Variants in PTPRG observed in about 807,000 individuals in gnomAD.
PTPRG encodes the protein receptor-type tyrosine-protein phosphatase gamma.
In PTPRG, 102 loss-of-function variants were observed where a neutral mutation model predicts 165.3. The observed-to-expected ratio is 0.62, with a 90% CI of 0.53 to 0.73. The LOEUF is 0.73. PTPRG is among the 30% of genes least tolerant of loss of function. PTPRG has a pLI of 0.00. For missense variants in PTPRG, 1,866 were observed against 1,861.4 expected (o/e 1.00, Z -0.05); for synonymous variants, 675 against 669.5 (o/e 1.01, Z -0.13).
chr3:61,878,322 G>C (rs2037798631), intron 2 of PTPRG, among the ~76,000 whole-genome samples: 1 of 152,136 alleles, frequency 6.6e-6, no homozygotes, highest in Non-Finnish European at 1.5e-5. Flanking sequence ...ATATGAGCTG[G>C]TAGGATTTAA....
At chr3:62,033,283 A>G (rs1699828141) in intron 4 of PTPRG, among the ~76,000 whole-genome samples, 1 of 151,746 alleles carries the variant, frequency 6.6e-6, no homozygotes, top group Admixed American at 6.6e-5. Context: ...TTCAAATGTC[A>G]CTTTCAGAGG....
At chr3:62,126,670 A>G (rs746766618) in intron 5 of PTPRG, among the ~76,000 whole-genome samples, 3 of 152,238 alleles carry the variant, frequency 2.0e-5, no homozygotes, top group Non-Finnish European at 2.9e-5. Flanking sequence ...ATTAGGCTTA[A>G]TGTATGATCC....
intron 2 of PTPRG, among the ~76,000 whole-genome samples, chr3:61,775,666 G>A (rs2034354519): frequency 6.6e-6 from 1 of 151,982 alleles, no homozygotes; most frequent in South Asian, 2.1e-4. Flanking sequence ...AGAAATCAAG[G>A]TTCTGCAACC....
At chr3:61,651,557 C>T (rs1297990339) in intron 1 of PTPRG, among the ~76,000 whole-genome samples, 3 of 152,082 alleles carry the variant, frequency 2.0e-5, no homozygotes, top group African/African-American at 7.2e-5. Flanking sequence ...TGGGAATTGA[C>T]CTGGATTCAT....
intron 4 of PTPRG, among the ~76,000 whole-genome samples, chr3:62,077,476 G>T (rs1559783725): frequency 2.0e-5 from 3 of 152,074 alleles, no homozygotes; most frequent in Admixed American, 1.3e-4. Context: ...GGCTTGTTAA[G>T]AGGATTAAGA....
rs886361106 is a variant in PTPRG at position 61,919,316 on chromosome 3, A to T, written c.191-70309A>T. On this transcript the variant is annotated intron_variant, in intron 2 of 29. Transcript: ENST00000474889. ...GGAGTGTTTTGGGTCTCTGCAAAGT[A>T]AGGATGTGGTAGAAATAGCAATACA... Among the ~76,000 whole-genome samples the T allele has an allele frequency of 2.6e-5, 4 of 152,320 alleles. No homozygotes were observed. In the East Asian group the frequency reaches 7.7e-4, roughly 29 times the overall value.
chr3:61,607,549 A>C lies in PTPRG; in HGVS notation c.85+45177A>C, dbSNP rs1348442262. 2.0e-5 allele frequency among the ~76,000 whole-genome samples: 3 copies of C among 152,178 alleles called. No homozygotes were observed. In the East Asian group the frequency reaches 5.8e-4, roughly 29 times the overall value. The stretch of plus-strand genomic sequence containing the variant: ...GAAAGGCAGCTCGACAAACTCTTTT[A>C]AACCTTACTTTTTTTTGGTTTTGGT... On this transcript the variant is annotated intron_variant, in intron 1 of 29. Coordinates refer to ENST00000474889, the MANE Select transcript of PTPRG (RefSeq NM_002841.4).
chr3:61,567,972 A>AT (rs1446448957), intron 1 of PTPRG, among the ~76,000 whole-genome samples: 2 of 151,708 alleles, frequency 1.3e-5, no homozygotes, highest in Non-Finnish European at 2.9e-5. Flanking sequence ...CCTCAAAAAA[A>AT]AAAAAAAAAA....
At chr3:62,124,691 G>A (rs1021188709) in intron 5 of PTPRG, 17 of 646,758 alleles carry the variant, frequency 2.6e-5, no homozygotes, top group African/African-American at 2.0e-4. Context: ...TGAGCTAGCT[G>A]CGCTTGGCAC....
At chr3:62,234,587 T>C (rs1485087907) in intron 14 of PTPRG, among the ~76,000 whole-genome samples, 1 of 152,182 alleles carries the variant, frequency 6.6e-6, no homozygotes, top group African/African-American at 2.4e-5. Flanking sequence ...ATAAGTGGGA[T>C]TGAACCATTT....
rs143615374 is a variant in PTPRG at position 62,084,085 on chromosome 3, G to A, written c.615+5827G>A. On this transcript the variant is annotated intron_variant, in intron 5 of 29. Coordinates refer to ENST00000474889, the MANE Select transcript of PTPRG (RefSeq NM_002841.4). Reference sequence around the variant, plus strand: ...TTCAAGAGCATCTACATTAAGAAACGTTTCTTATGTGACATTGTTTCCAGC... The same window carrying A: ...TTCAAGAGCATCTACATTAAGAAACATTTCTTATGTGACATTGTTTCCAGC... Among the ~76,000 whole-genome samples, 381 of 152,250 alleles carry A rather than the reference G, an allele frequency of 2.5e-3. 2 individuals are homozygous for A. The highest frequency in any genetic ancestry group is 8.4e-3 in the African/African-American group (349 of 41,540).
chr3:62,293,405 T>C lies in PTPRG; in HGVS notation c.*98T>C, dbSNP rs1702968914. ...GACTCTAGGTTATACAATAACCCAG[T>C]TACTTTTTTACACTGATAAAAGTTT... On this transcript the variant is annotated 3_prime_UTR_variant, in exon 30 of 30. Transcript: ENST00000474889. 9.5e-7 allele frequency: 1 copy of C among 1,051,058 alleles called. No individual in the cohort carries two copies. The highest frequency in any genetic ancestry group is 2.7e-5 in the East Asian group (1 of 37,086). The allele number at this position is 1,051,058 out of a possible 1,614,324, so 65.1% of individuals were successfully genotyped here.
Position 62,282,715 on chromosome 3 carries a change from T to C in PTPRG, c.3913-12T>C, listed in dbSNP as rs761432780. The C allele has an allele frequency of 1.9e-6, 3 of 1,602,968 alleles. No homozygotes were observed. Among genetic ancestry groups the C allele is most frequent in the South Asian group, 1.1e-5 (1 of 88,286 alleles). ...AAAGGAAGGGATTTGACCCATGTTGTATTGGTTACAGGATGACTATGTCTT... is the reference window on the plus strand; with the variant it reads ...AAAGGAAGGGATTTGACCCATGTTGCATTGGTTACAGGATGACTATGTCTT... On this transcript the variant is annotated splice_polypyrimidine_tract_variant and intron_variant, in intron 27 of 29. Coordinates refer to ENST00000474889, the MANE Select transcript of PTPRG (RefSeq NM_002841.4).
At chr3:62,209,502 T>C (rs544510315) in intron 12 of PTPRG, among the ~76,000 whole-genome samples, 1 of 152,308 alleles carries the variant, frequency 6.6e-6, no homozygotes, top group Non-Finnish European at 1.5e-5. Context: ...CCCAGCTGTC[T>C]AGGGATTGGG....
At chr3:61,713,960 G>T (rs774640171) in intron 1 of PTPRG, among the ~76,000 whole-genome samples, 26 of 152,156 alleles carry the variant, frequency 1.7e-4, no homozygotes, top group Non-Finnish European at 3.2e-4. Context: ...CGATAATGCC[G>T]TATTTTAAAA....
chr3:61,632,519 TCAG>T (rs1307938272), intron 1 of PTPRG, among the ~76,000 whole-genome samples: 2 of 152,284 alleles, frequency 1.3e-5, no homozygotes, highest in East Asian at 3.9e-4. Flanking sequence ...TGCTATATGT[TCAG>T]CAGCCATTTT....
rs569829319 is a variant in PTPRG, at chr3:62,003,217, A to G, written c.371-132A>G. 2.6e-4 allele frequency: 271 copies of G among 1,056,700 alleles called. 1 individual carries two copies. In the African/African-American group the frequency reaches 2.9e-3, roughly 11 times the overall value. The allele number at this position is 1,056,700 out of a possible 1,614,324, so 65.5% of individuals were successfully genotyped here. A position where few individuals can be genotyped will look rare whatever the true frequency, so the allele number is the denominator to read the frequency against. On this transcript the variant is annotated intron_variant, in intron 3 of 29. Coordinates refer to ENST00000474889, the MANE Select transcript of PTPRG (RefSeq NM_002841.4). ...ATTTATTCAGGCGGGTGTGTTCAAC[A>G]TATTTTTTCATAGGTACATGAGGAC...
chr3:62,154,664 G>T (rs751353048), intron 6 of PTPRG, among the ~76,000 whole-genome samples: 2 of 152,106 alleles, frequency 1.3e-5, no homozygotes, highest in Admixed American at 6.5e-5. Flanking sequence ...GGCTGCCAGG[G>T]GTTTGCCGGG....
At chr3:61,848,721 T>C (rs1397805317) in intron 2 of PTPRG, among the ~76,000 whole-genome samples, 1 of 152,202 alleles carries the variant, frequency 6.6e-6, no homozygotes, top group Non-Finnish European at 1.5e-5. Context: ...GAGTCGTCTT[T>C]ATGCTCAATC....
Sources: allele counts gnomAD v4.1 joint callset (sites outside exome capture counted in the v4.1 genomes callset), GRCh38; gene constraint gnomAD v4.1.1; transcripts MANE v1.5; gene names NCBI Gene and HGNC (gene_info 2026-07-23, HGNC 2026-07-21).